Variants in ITGA9 observed in about 807,000 individuals in gnomAD.
ITGA9 encodes integrin alpha-9.
Under a neutral mutation model 127.8 loss-of-function variants are expected in ITGA9, and 56 were observed. The ratio of observed to expected loss-of-function variants is 0.44; its 90% CI spans 0.35 to 0.55. The LOEUF (loss-of-function observed/expected upper bound fraction) is 0.55, where lower values mean the gene tolerates loss of function less well. ITGA9 is among the 20% of genes least tolerant of loss of function. ITGA9 has a pLI of 0.00. For synonymous variants in ITGA9, 508 were observed against 514.5 expected, an observed-to-expected ratio of 0.99 and a Z score of 0.17; for missense variants, 1,196 against 1,347.1, an observed-to-expected ratio of 0.89 and a Z score of 1.76.
chr3:37,453,590 GGGGCCCAGGTGACAGCCAGGCC>G (rs1698225934), intron 1 of ITGA9, among the ~76,000 whole-genome samples: 1 of 152,180 alleles, frequency 6.6e-6, no homozygotes, highest in African/African-American at 2.4e-5. Context: ...GTGCCTCATG[GGGGCCCAGGTGACAGCCAGGCC>G]GGGGTTGATT....
chr3:37,655,821 T>C (rs991155359), intron 17 of ITGA9, among the ~76,000 whole-genome samples: 3 of 152,194 alleles, frequency 2.0e-5, no homozygotes, highest in African/African-American at 7.2e-5. Flanking sequence ...GTTTTTATGG[T>C]TTTAGGTCTT....
At chr3:37,579,267 A>T (rs1699680896) in intron 15 of ITGA9, among the ~76,000 whole-genome samples, 1 of 152,242 alleles carries the variant, frequency 6.6e-6, no homozygotes. Context: ...GAAGTAATTC[A>T]GCATTGGTAT....
At chr3:37,599,041 T>G (rs1025206953) in intron 15 of ITGA9, among the ~76,000 whole-genome samples, 6 of 152,334 alleles carry the variant, frequency 3.9e-5, no homozygotes, top group Non-Finnish European at 7.3e-5. Context: ...AGAGTTGCCT[T>G]AAGACTGAGA....
chr3:37,519,270 T>C lies in ITGA9; in HGVS notation c.1152T>C (p.Ile384=). 6.2e-7 allele frequency: 1 copy of C among 1,614,032 alleles called. No homozygotes were observed. Among genetic ancestry groups the C allele is most frequent in the South Asian group, 1.1e-5 (1 of 91,068 alleles). The part of the protein sequence containing the change: ...LDNDGFPDVA[I]GAPKEDDFAG... ...TTTTTTTACCCTCAGATGTGGCCAT[T>C]GGTGCACCCAAGGAGGATGACTTCG... Residue 384 remains isoleucine (I), a synonymous_variant, in exon 11 of 28, where the codon ATT becomes ATC. Transcript: ENST00000264741.
chr3:37,559,100 CT>C (rs1699460381), intron 15 of ITGA9, among the ~76,000 whole-genome samples: 1 of 152,204 alleles, frequency 6.6e-6, no homozygotes, highest in Admixed American at 6.5e-5. Flanking sequence ...CCCCAAAACA[CT>C]TTATTTCTCA....
intron 1 of ITGA9, among the ~76,000 whole-genome samples, chr3:37,470,140 G>GTTTTTTTTTTTTTTTT: frequency 7.5e-6 from 1 of 133,098 alleles, no homozygotes; most frequent in Non-Finnish European, 1.6e-5. Flanking sequence ...GTTTCTTCTT[G>GTTTTTTTTTTTTTTTT]TTTTTTTTTT....
intron 17 of ITGA9, among the ~76,000 whole-genome samples, chr3:37,673,917 C>T (rs1700659146): frequency 6.6e-6 from 1 of 152,174 alleles, no homozygotes; most frequent in Non-Finnish European, 1.5e-5. Flanking sequence ...ATTTTGATCT[C>T]ATAATACATA....
chr3:37,638,264 C>G (rs1700300100), intron 16 of ITGA9, among the ~76,000 whole-genome samples: 1 of 151,646 alleles, frequency 6.6e-6, no homozygotes, highest in Non-Finnish European at 1.5e-5. Context: ...TAATGGTTGC[C>G]CCTGGAGAGG....
At chr3:37,811,802 C>T (rs1697372028) in intron 27 of ITGA9, among the ~76,000 whole-genome samples, 1 of 152,222 alleles carries the variant, frequency 6.6e-6, no homozygotes, top group South Asian at 2.1e-4. Context: ...CCTACTTGCT[C>T]AAGTGGCAAA....
chr3:37,481,471 T>C lies in ITGA9; in HGVS notation c.421-13T>C, dbSNP rs1191255893. Reference sequence around the variant, plus strand: ...CCAACTTTCCTGCTCTCAACTGCTCTCTATCCCTTTAGGCCTGTGCTCATC... The same window carrying C: ...CCAACTTTCCTGCTCTCAACTGCTCCCTATCCCTTTAGGCCTGTGCTCATC... On this transcript the variant is annotated splice_polypyrimidine_tract_variant and intron_variant, in intron 3 of 27. Coordinates refer to ENST00000264741, the MANE Select transcript of ITGA9 (RefSeq NM_002207.3). 6.2e-7 allele frequency: 1 copy of C among 1,614,182 alleles called. No homozygotes were observed. Among genetic ancestry groups the C allele is most frequent in the Middle Eastern group, 1.6e-4 (1 of 6,062 alleles).
At chr3:37,529,141 A>T (rs1451287482) in intron 13 of ITGA9, among the ~76,000 whole-genome samples, 2 of 152,194 alleles carry the variant, frequency 1.3e-5, no homozygotes, top group African/African-American at 2.4e-5. Context: ...TTGTTCATCC[A>T]TCCTCTTGTT....
chr3:37,464,835 C>T (rs1398146203), intron 1 of ITGA9, among the ~76,000 whole-genome samples: 4 of 152,166 alleles, frequency 2.6e-5, no homozygotes, highest in African/African-American at 9.7e-5. Context: ...AGCATTGGTC[C>T]CTAGTGAGTC....
At chr3:37,617,040 G>T (rs1019968153) in intron 15 of ITGA9, among the ~76,000 whole-genome samples, 1 of 152,234 alleles carries the variant, frequency 6.6e-6, no homozygotes, top group Non-Finnish European at 1.5e-5. Context: ...ATTAGTTGAT[G>T]CAGTTTCTTC....
chr3:37,519,308 ATATC>A lies in ITGA9; in HGVS notation c.1195_1198del (p.Tyr399MetfsTer7). ...GAGGATGACTTCGCAGGGGCGGTCT[ATATC>A]TATCATGGTGATGCCGGTGGGATAG... is the stretch of plus-strand genomic sequence containing the variant. On this transcript the variant is annotated frameshift_variant, in exon 11 of 28. Coordinates refer to ENST00000264741, the MANE Select transcript of ITGA9 (RefSeq NM_002207.3). LOFTEE classifies it high-confidence loss of function. The A allele has an allele frequency of 6.2e-7, 1 of 1,614,140 alleles. No homozygotes were observed. Among genetic ancestry groups the A allele is most frequent in the Non-Finnish European group, 8.5e-7 (1 of 1,179,992 alleles).
chr3:37,765,846 C>T (rs944007649), intron 23 of ITGA9, among the ~76,000 whole-genome samples: 4 of 152,210 alleles, frequency 2.6e-5, no homozygotes, highest in East Asian at 3.8e-4. Context: ...TGAAGGCGCC[C>T]GGCCTTATCA....
chr3:37,731,229 TA>T (rs1460375054), intron 18 of ITGA9, among the ~76,000 whole-genome samples: 1 of 152,192 alleles, frequency 6.6e-6, no homozygotes, highest in Non-Finnish European at 1.5e-5. Context: ...TTTATTTATT[TA>T]TTTTTTAGAC....
chr3:37,622,493 T>G (rs1215013750), intron 15 of ITGA9, among the ~76,000 whole-genome samples: 2 of 152,160 alleles, frequency 1.3e-5, no homozygotes, highest in African/African-American at 4.8e-5. Flanking sequence ...TAATAAGGAT[T>G]TATTTCATAA....
chr3:37,584,629 T>C (rs1400492653), intron 15 of ITGA9, among the ~76,000 whole-genome samples: 2 of 151,996 alleles, frequency 1.3e-5, no homozygotes, highest in Non-Finnish European at 2.9e-5. Flanking sequence ...GTGGCATGTA[T>C]CTGTAGTCCC....
chr3:37,755,773 A>G (rs1023541283), intron 23 of ITGA9, among the ~76,000 whole-genome samples: 3 of 152,180 alleles, frequency 2.0e-5, no homozygotes, highest in Non-Finnish European at 4.4e-5. Context: ...GTTAGAAGTC[A>G]AGAGAGATGG....
Sources: gnomAD v4.1 joint callset for allele counts (sites outside exome capture counted in the v4.1 genomes callset) on GRCh38, gnomAD v4.1.1 for gene constraint, MANE v1.5 for transcripts, NCBI Gene and HGNC (gene_info 2026-07-23, HGNC 2026-07-21) for gene names.